The following HSF5 variants were observed in gnomAD, a reference collection of about 807,000 sequenced individuals.
The protein encoded by HSF5 is heat shock factor protein 5.
In HSF5, 5 loss-of-function variants were observed where a neutral mutation model predicts 50.8. That is an observed-to-expected ratio of 0.10 (90% CI 0.05 to 0.21). The LOEUF is 0.21. HSF5 is among the 10% of genes least tolerant of loss of function. The pLI is 1.00. For missense variants in HSF5, 564 were observed against 762.6 expected (o/e 0.74, Z 3.07); for synonymous variants, 307 against 307.4 (o/e 1.00, Z 0.02).
chr17:58,423,745 C>T (rs547016808), intron 5 of HSF5, among the ~76,000 whole-genome samples: 1 of 152,172 alleles, frequency 6.6e-6, no homozygotes, highest in East Asian at 1.9e-4. Flanking sequence ...TCCCAAAGTG[C>T]TAGGATTACA....
At chr17:58,428,875 CA>C (rs1175419041) in intron 5 of HSF5, among the ~76,000 whole-genome samples, 1 of 152,158 alleles carries the variant, frequency 6.6e-6, no homozygotes, top group African/African-American at 2.4e-5. Context: ...TATGACCCGG[CA>C]ATTCCACTTC....
intron 2 of HSF5, among the ~76,000 whole-genome samples, chr17:58,474,945 G>A (rs1182328253): frequency 6.6e-6 from 1 of 151,832 alleles, no homozygotes; most frequent in African/African-American, 2.4e-5. Flanking sequence ...CAAATCTGGG[G>A]GAAAAAATTA....
intron 5 of HSF5, among the ~76,000 whole-genome samples, chr17:58,428,527 C>T (rs1287778391): frequency 2.0e-5 from 3 of 151,880 alleles, no homozygotes; most frequent in Non-Finnish European, 2.9e-5. Flanking sequence ...GGTGTGGTGG[C>T]GGGCGCCTGT....
chr17:58,468,281 C>T (rs1383007870), intron 2 of HSF5, among the ~76,000 whole-genome samples: 1 of 152,102 alleles, frequency 6.6e-6, no homozygotes, highest in Non-Finnish European at 1.5e-5. Flanking sequence ...GTTTGTAGTC[C>T]CAGCTACTCA....
At chr17:58,445,833 A>C (rs1437384213) in intron 5 of HSF5, among the ~76,000 whole-genome samples, 4 of 152,132 alleles carry the variant, frequency 2.6e-5, no homozygotes, top group African/African-American at 9.7e-5. Context: ...TGAACTGTGC[A>C]CTTAAAAATG....
At chr17:58,446,381 C>G (rs567420608) in intron 5 of HSF5, among the ~76,000 whole-genome samples, 5 of 152,146 alleles carry the variant, frequency 3.3e-5, no homozygotes, top group African/African-American at 9.7e-5. Flanking sequence ...CCCAACCCCA[C>G]GCAATGCAGC....
intron 5 of HSF5, among the ~76,000 whole-genome samples, chr17:58,440,784 GAACA>G (rs1322489262): frequency 2.0e-5 from 3 of 152,106 alleles, no homozygotes; most frequent in South Asian, 2.1e-4. Flanking sequence ...CTGGAAAAAA[GAACA>G]AACAGAAATC....
chr17:58,432,108 C>A (rs191222878), intron 5 of HSF5, among the ~76,000 whole-genome samples: 1 of 152,068 alleles, frequency 6.6e-6, no homozygotes, highest in Non-Finnish European at 1.5e-5. Context: ...TAAAAGACTG[C>A]ATTTTTCCAT....
intron 1 of HSF5, among the ~76,000 whole-genome samples, chr17:58,483,039 T>G (rs1025036258): frequency 1.3e-5 from 2 of 152,116 alleles, no homozygotes; most frequent in Non-Finnish European, 2.9e-5. Flanking sequence ...ACCCCCTCCT[T>G]TTTTTCTCTC....
Position 58,422,313 on chromosome 17 carries a change from G to A in HSF5, c.*47C>T. On this transcript the variant is annotated 3_prime_UTR_variant, in exon 6 of 6. Transcript: ENST00000323777. ...AGTTTGTCATGTGCAAGGCTAGTCT[G>A]CCTCCAGCTACAGCTAGTGCACAAT... is the stretch of plus-strand genomic sequence containing the variant. 1 of 1,347,070 alleles carries A rather than the reference G, an allele frequency of 7.4e-7. No individual in the cohort carries two copies. The highest frequency in any genetic ancestry group is 1.1e-6 in the Non-Finnish European group (1 of 941,178). 83.4% of individuals were successfully genotyped at this position (1,347,070 alleles called of 1,614,324 possible).
intron 5 of HSF5, among the ~76,000 whole-genome samples, chr17:58,455,012 C>T (rs1974690275): frequency 6.6e-6 from 1 of 152,058 alleles, no homozygotes; most frequent in South Asian, 2.1e-4. Context: ...AGACCCCAGA[C>T]AGCCAAAGCA....
chr17:58,485,122 T>C (rs1053848992), intron 1 of HSF5, among the ~76,000 whole-genome samples: 17 of 151,368 alleles, frequency 1.1e-4, no homozygotes, highest in Non-Finnish European at 2.2e-4. Flanking sequence ...GCCCAGCTAA[T>C]TTTTATATTT....
chr17:58,443,769 G>A (rs1389416776), intron 5 of HSF5, among the ~76,000 whole-genome samples: 5 of 152,030 alleles, frequency 3.3e-5, no homozygotes, highest in Admixed American at 2.6e-4. Context: ...TTTTCCCTCC[G>A]GAGTATTATC....
At chr17:58,454,228 AAAAAC>A (rs928843146) in intron 5 of HSF5, among the ~76,000 whole-genome samples, 6 of 152,200 alleles carry the variant, frequency 3.9e-5, no homozygotes, top group Middle Eastern at 3.4e-3. Context: ...AAACAAAAAC[AAAAAC>A]AAAACAAAAC....
intron 5 of HSF5, among the ~76,000 whole-genome samples, chr17:58,428,251 C>T (rs1448609005): frequency 6.6e-6 from 1 of 152,154 alleles, no homozygotes; most frequent in Admixed American, 6.5e-5. Flanking sequence ...AAAAAGATTT[C>T]ATCAAGTTGA....
intron 1 of HSF5, among the ~76,000 whole-genome samples, chr17:58,483,436 A>T (rs1245365073): frequency 6.6e-6 from 1 of 152,248 alleles, no homozygotes; most frequent in Non-Finnish European, 1.5e-5. Flanking sequence ...CTCAATTCAG[A>T]TCAACATTAC....
chr17:58,463,322 T>A lies in HSF5; in HGVS notation c.1021-19A>T. On this transcript the variant is annotated intron_variant, in intron 3 of 5. Transcript: ENST00000323777. ...AAGGATTCTGGGAAAAGAAAAAATA[T>A]AACTGTTTGGATAGAAAATAAAATA... The A allele has an allele frequency of 6.3e-7, 1 of 1,590,000 alleles. No homozygotes were observed.
chr17:58,487,444 G>C (rs776441504), intron 1 of HSF5, among the ~76,000 whole-genome samples: 7 of 152,206 alleles, frequency 4.6e-5, no homozygotes, highest in Non-Finnish European at 8.8e-5. Flanking sequence ...GAGTAGAAGG[G>C]AGCCTAAGAG....
chr17:58,479,842 C>G, intron 2 of HSF5, 51 bp downstream of exon 2: 1 of 1,474,398 alleles, frequency 6.8e-7, no homozygotes, highest in Non-Finnish European at 9.1e-7. Flanking sequence ...TATATATATG[C>G]TCATTATAAA....
Sources: gnomAD v4.1 joint callset for allele counts (sites outside exome capture counted in the v4.1 genomes callset) on GRCh38, gnomAD v4.1.1 for gene constraint, MANE v1.5 for transcripts, NCBI Gene and HGNC (gene_info 2026-07-23, HGNC 2026-07-21) for gene names.